Variants in CLVS1 observed in about 807,000 individuals in gnomAD.
The protein encoded by CLVS1 is clavesin-1.
Under a neutral mutation model 33.1 loss-of-function variants are expected in CLVS1, and 10 were observed. That is an observed-to-expected ratio of 0.30 (90% CI 0.19 to 0.51). The LOEUF (loss-of-function observed/expected upper bound fraction) is 0.51, where lower values mean the gene tolerates loss of function less well. Among genes scored for constraint, CLVS1 ranks in the 20% least tolerant of loss-of-function variants. The pLI is 0.97. For missense variants in CLVS1, 343 were observed against 433.4 expected (o/e 0.79, Z 1.85); for synonymous variants, 163 against 166.1 (o/e 0.98, Z 0.14).
At chr8:61,164,724 T>C (rs1806821825) in intron 2 of CLVS1, among the ~76,000 whole-genome samples, 1 of 152,144 alleles carries the variant, frequency 6.6e-6, no homozygotes. Flanking sequence ...CGAGGTTTTC[T>C]CTTTGTTGGA....
chr8:61,136,024 G>A (rs889589013), intron 2 of CLVS1, among the ~76,000 whole-genome samples: 1 of 152,216 alleles, frequency 6.6e-6, no homozygotes, highest in Non-Finnish European at 1.5e-5. Context: ...CTTGGGAATT[G>A]GTTAGAAATC....
intron 1 of CLVS1, among the ~76,000 whole-genome samples, chr8:61,080,772 G>A (rs907474012): frequency 5.3e-5 from 8 of 152,160 alleles, no homozygotes; most frequent in Non-Finnish European, 1.2e-4. Flanking sequence ...ATGCCCAAAA[G>A]ACAGCAATCC....
chr8:61,197,882 T>C (rs901669208), intron 2 of CLVS1, among the ~76,000 whole-genome samples: 16 of 152,332 alleles, frequency 1.1e-4, no homozygotes, highest in African/African-American at 3.6e-4. Flanking sequence ...TAAAGTCCTA[T>C]AGTCACTGTT....
rs951230335 is a variant in CLVS1, at chr8:61,367,908, C to A, written c.456-8697C>A. Among the ~76,000 whole-genome samples, 6 of 152,294 alleles carry A rather than the reference C, an allele frequency of 3.9e-5. No homozygotes were observed. The East Asian group carries it at 7.7e-4, about 20-fold the overall frequency. ...TCCACAACGTACAGAATCATTAAAT[C>A]TTTGTACAAATGCCTCCTGACTCCT... On this transcript the variant is annotated intron_variant, in intron 2 of 5. Transcript: ENST00000325897.
chr8:61,201,613 T>C (rs1271128847), intron 2 of CLVS1, among the ~76,000 whole-genome samples: 1 of 152,234 alleles, frequency 6.6e-6, no homozygotes, highest in Non-Finnish European at 1.5e-5. Context: ...GTTATGTTTA[T>C]GGTCAGTAAT....
chr8:61,234,945 G>A (rs1002677914), intron 2 of CLVS1, among the ~76,000 whole-genome samples: 1 of 152,162 alleles, frequency 6.6e-6, no homozygotes, highest in Non-Finnish European at 1.5e-5. Context: ...TGTCTTCTTT[G>A]TATGGGACAT....
chr8:61,259,330 C>A (rs903219245), intron 2 of CLVS1, among the ~76,000 whole-genome samples: 6 of 152,148 alleles, frequency 3.9e-5, no homozygotes, highest in African/African-American at 1.4e-4. Flanking sequence ...AATTATTGCA[C>A]CATGGTACAT....
At chr8:61,165,206 A>G (rs1395206456) in intron 2 of CLVS1, among the ~76,000 whole-genome samples, 1 of 152,232 alleles carries the variant, frequency 6.6e-6, no homozygotes, top group African/African-American at 2.4e-5. Flanking sequence ...ACCCTGCTGG[A>G]TCCGGAAGAA....
intron 1 of CLVS1, among the ~76,000 whole-genome samples, chr8:61,062,498 A>G (rs900896749): frequency 5.9e-5 from 9 of 152,200 alleles, no homozygotes; most frequent in African/African-American, 2.2e-4. Flanking sequence ...TCCTTAAAAT[A>G]GGAAGATCCT....
rs779670056 is a variant in CLVS1, at chr8:61,299,832, G to A, written c.5G>A (p.Gly2Glu). The A allele has an allele frequency of 1.2e-6, 2 of 1,607,268 alleles. No homozygotes were observed. The highest frequency in any genetic ancestry group is 1.7e-6 in the Non-Finnish European group (2 of 1,176,222). The change falls in exon 2 of 6, where the codon GGA becomes GAA. Residue 2 changes from glycine (G) to glutamate (E), a missense_variant. By Grantham distance (98) the Gly-to-Glu change is moderately conservative (BLOSUM62 -2). Transcript: ENST00000325897. M[G>E]PVSLLPKYQK... ...TTTCAGCAGACCATCAGGTGAATGG[G>A]ACCAGTCTCTCTTCTTCCAAAATAT...
At chr8:61,366,538 G>A (rs560015885) in intron 2 of CLVS1, among the ~76,000 whole-genome samples, 72 of 152,174 alleles carry the variant, frequency 4.7e-4, no homozygotes, top group South Asian at 1.7e-3. Context: ...CACATCAGAC[G>A]TCAGCAATGA....
chr8:60,991,406 A>G, the CLVS1 span, among the ~76,000 whole-genome samples: 1 of 152,236 alleles, frequency 6.6e-6, no homozygotes, highest in African/African-American at 2.4e-5. Context: ...AATAGCTTTT[A>G]TACTTTCTGG....
At chr8:61,198,864 C>A (rs1437800376) in intron 2 of CLVS1, among the ~76,000 whole-genome samples, 1 of 152,198 alleles carries the variant, frequency 6.6e-6, no homozygotes, top group Non-Finnish European at 1.5e-5. Flanking sequence ...TAATGGCCTC[C>A]AATTCCAACC....
intron 2 of CLVS1, among the ~76,000 whole-genome samples, chr8:61,211,632 A>G (rs1304713470): frequency 6.6e-6 from 1 of 152,192 alleles, no homozygotes; most frequent in African/African-American, 2.4e-5. Context: ...GCAAGTACAA[A>G]TCTGCTTCTT....
chr8:60,976,939 C>T, the CLVS1 span, among the ~76,000 whole-genome samples: 1 of 152,206 alleles, frequency 6.6e-6, no homozygotes, highest in Non-Finnish European at 1.5e-5. Flanking sequence ...TGTTTCAACC[C>T]CCATGGGCTA....
At position 61,208,006 on chromosome 8, in the gene CLVS1, A is replaced by G. The variant is rs1807892491; in HGVS notation, c.-152+76146A>G. On this transcript the variant is annotated intron_variant, in intron 2 of 2. Coordinates refer to the CLVS1 transcript ENST00000522621. Reference sequence around the variant, plus strand: ...TGCAGGTAGATAAAAGCGAGGAGCAAATGGTGGGCTTAGCGGCCACAGCCA... The same window carrying G: ...TGCAGGTAGATAAAAGCGAGGAGCAGATGGTGGGCTTAGCGGCCACAGCCA... 2.0e-5 allele frequency among the ~76,000 whole-genome samples: 3 copies of G among 152,232 alleles called. No individual in the cohort carries two copies. In the South Asian group the frequency reaches 6.2e-4, roughly 32 times the overall value.
chr8:61,484,045 C>T (rs1338063110), intron 5 of CLVS1, among the ~76,000 whole-genome samples: 1 of 152,176 alleles, frequency 6.6e-6, no homozygotes, highest in Non-Finnish European at 1.5e-5. Flanking sequence ...GACAGGGATG[C>T]CCTCTCTCAC....
intron 2 of CLVS1, among the ~76,000 whole-genome samples, chr8:61,190,924 C>T (rs931953471): frequency 2.6e-5 from 4 of 152,184 alleles, no homozygotes; most frequent in Non-Finnish European, 1.5e-5. Context: ...GATGGATTCA[C>T]AGCTGAATTC....
At chr8:61,274,526 A>C (rs1023848151) in intron 2 of CLVS1, among the ~76,000 whole-genome samples, 2 of 152,180 alleles carry the variant, frequency 1.3e-5, no homozygotes, top group African/African-American at 4.8e-5. Context: ...AATTCTGATT[A>C]GTGAGTTCAT....
Sources: allele counts gnomAD v4.1 joint callset (sites outside exome capture counted in the v4.1 genomes callset), GRCh38; gene constraint gnomAD v4.1.1; transcripts MANE v1.5; gene names NCBI Gene and HGNC (gene_info 2026-07-23, HGNC 2026-07-21).